Variants in AP2B1 observed in about 807,000 individuals in gnomAD.
The protein encoded by AP2B1 is adaptor related protein complex 2 subunit beta 1, also known as AP-2 complex subunit beta.
Under a neutral mutation model 102.0 loss-of-function variants are expected in AP2B1, and 23 were observed. The ratio of observed to expected loss-of-function variants is 0.23; its 90% CI spans 0.16 to 0.32. The LOEUF is 0.32. Among genes scored for constraint, AP2B1 ranks in the 10% least tolerant of loss-of-function variants. AP2B1 has a pLI of 1.00. For missense variants in AP2B1, 541 were observed against 1,157.4 expected, an observed-to-expected ratio of 0.47 and a Z score of 7.73; for synonymous variants, 381 against 421.2, an observed-to-expected ratio of 0.90 and a Z score of 1.17.
rs545707848 is a variant in AP2B1, at chr17:35,637,778, C to T, written c.1271+1322C>T. Among the ~76,000 whole-genome samples, 55 of 151,168 alleles carry T rather than the reference C, an allele frequency of 3.6e-4. 1 individual carries two copies. The South Asian group carries it at 4.2e-3, about 12-fold the overall frequency. Reference sequence around the variant, plus strand: ...TCAGCTCACTGCAACCTCTGCCTCCCGGGTTCAAACATTCTCCTGCCTCAA... The same window carrying T: ...TCAGCTCACTGCAACCTCTGCCTCCTGGGTTCAAACATTCTCCTGCCTCAA... On this transcript the variant is annotated intron_variant, in intron 10 of 21. Coordinates refer to ENST00000610402, the MANE Select transcript of AP2B1 (RefSeq NM_001030006.2).
In AP2B1 at chr17:35,674,167, G is replaced by GT; in HGVS notation, c.2179-8dup. On this transcript the variant is annotated splice_polypyrimidine_tract_variant and intron_variant, in intron 16 of 21. Coordinates refer to ENST00000610402, the MANE Select transcript of AP2B1 (RefSeq NM_001030006.2). ...GTCTGATTCTATTGAGCTTTATACT[G>GT]TGTTTCAGGTCTGGCTACCTGCAGT... 6.2e-7 allele frequency: 1 copy of GT among 1,613,838 alleles called. No individual in the cohort carries two copies. Among genetic ancestry groups the GT allele is most frequent in the Non-Finnish European group, 8.5e-7 (1 of 1,179,810 alleles).
intron 21 of AP2B1, among the ~76,000 whole-genome samples, chr17:35,718,375 A>G (rs1464213585): frequency 6.7e-6 from 1 of 149,396 alleles, no homozygotes; most frequent in Non-Finnish European, 1.5e-5. Context: ...CCTGAGGCCT[A>G]TCAAGTTAGA....
intron 17 of AP2B1, 118 bp downstream of exon 17, chr17:35,674,439 C>T (rs1283789825): frequency 8.0e-7 from 1 of 1,247,940 alleles, no homozygotes; most frequent in East Asian, 2.4e-5. Flanking sequence ...TACAGTGGCT[C>T]ATGCCTATAA....
At chr17:35,650,860 T>C in intron 13 of AP2B1, 71 bp downstream of exon 13, 1 of 1,523,310 alleles carries the variant, frequency 6.6e-7, no homozygotes, top group Non-Finnish European at 8.9e-7. Context: ...TCTTTATGCT[T>C]TTATAGTCTG....
intron 9 of AP2B1, among the ~76,000 whole-genome samples, chr17:35,633,462 A>G (rs1337031605): frequency 6.6e-6 from 1 of 152,110 alleles, no homozygotes; most frequent in Non-Finnish European, 1.5e-5. Context: ...TTTTTATTAA[A>G]TTGCTTATAG....
intron 9 of AP2B1, among the ~76,000 whole-genome samples, chr17:35,634,798 A>C (rs566032885): frequency 1.3e-5 from 2 of 152,122 alleles, no homozygotes; most frequent in South Asian, 4.1e-4. Context: ...AGCTCCTACA[A>C]AATTTGGCGA....
At chr17:35,701,553 C>T (rs943871900) in intron 18 of AP2B1, among the ~76,000 whole-genome samples, 39 of 152,176 alleles carry the variant, frequency 2.6e-4, no homozygotes, top group African/African-American at 9.4e-4. Context: ...CTTTCCTCTT[C>T]TATTACGGGA....
chr17:35,686,575 G>A (rs2075936378), intron 18 of AP2B1, among the ~76,000 whole-genome samples: 1 of 152,136 alleles, frequency 6.6e-6, no homozygotes, highest in Non-Finnish European at 1.5e-5. Context: ...TTTTTCCAGG[G>A]CCATAAACTC....
At chr17:35,686,324 A>ATT (rs1399276956) in intron 18 of AP2B1, among the ~76,000 whole-genome samples, 1 of 152,186 alleles carries the variant, frequency 6.6e-6, no homozygotes, top group Non-Finnish European at 1.5e-5. Flanking sequence ...AACCTTAATA[A>ATT]GTGTCTAAAT....
chr17:35,723,572 A>G, intron 21 of AP2B1, 53 bp from the exon 22 acceptor site: 1 of 1,251,834 alleles, frequency 8.0e-7, no homozygotes, highest in South Asian at 1.2e-5. Flanking sequence ...GGATACCTTT[A>G]GAGCTAATGC....
At chr17:35,715,640 C>G (rs1355627597) in intron 20 of AP2B1, among the ~76,000 whole-genome samples, 1 of 152,244 alleles carries the variant, frequency 6.6e-6, no homozygotes, top group Non-Finnish European at 1.5e-5. Flanking sequence ...TGCAAGAGCC[C>G]TTCATTGTGG....
chr17:35,717,078 A>G (rs1221477017), intron 20 of AP2B1, 117 bp from the exon 21 acceptor site: 2 of 1,139,374 alleles, frequency 1.8e-6, no homozygotes, highest in East Asian at 2.4e-5. Context: ...ACACATGTCC[A>G]TGTGACAGTA....
Position 35,681,049 on chromosome 17 carries a change from T to C in AP2B1, c.2325-1646T>C, listed in dbSNP as rs587640744. 2.7e-4 allele frequency among the ~76,000 whole-genome samples: 41 copies of C among 152,258 alleles called. No homozygotes were observed. The South Asian group carries it at 4.8e-3, about 18-fold the overall frequency. ...CTCAGACCATCTGTCCTCCCACATA[T>C]GTATTTGTTTTCTATTTAACTTCAG... On this transcript the variant is annotated intron_variant, in intron 17 of 21. Transcript: ENST00000610402.
At chr17:35,670,572 C>T (rs1156751907) in intron 14 of AP2B1, among the ~76,000 whole-genome samples, 3 of 152,118 alleles carry the variant, frequency 2.0e-5, no homozygotes, top group Non-Finnish European at 4.4e-5. Context: ...TGGGTTTGTG[C>T]CTGTGTACCC....
intron 5 of AP2B1, among the ~76,000 whole-genome samples, chr17:35,620,512 T>A (rs913448182): frequency 6.6e-6 from 1 of 151,912 alleles, no homozygotes; most frequent in African/African-American, 2.4e-5. Flanking sequence ...AGCGAAACTT[T>A]CTCTAGAAAC....
At chr17:35,596,837 C>T (rs976254619) in intron 2 of AP2B1, 4 of 670,016 alleles carry the variant, frequency 6.0e-6, no homozygotes, top group Admixed American at 5.6e-5. Flanking sequence ...GGCGCTGCCC[C>T]ACACCGCACA....
At chr17:35,616,410 C>T (rs1361696861) in intron 5 of AP2B1, among the ~76,000 whole-genome samples, 1 of 151,986 alleles carries the variant, frequency 6.6e-6, no homozygotes, top group Non-Finnish European at 1.5e-5. Flanking sequence ...CCTCGTGATC[C>T]GCCCGCCTCG....
intron 17 of AP2B1, among the ~76,000 whole-genome samples, chr17:35,677,747 T>A (rs2075731974): frequency 6.6e-6 from 1 of 152,176 alleles, no homozygotes; most frequent in African/African-American, 2.4e-5. Flanking sequence ...GCATAGTATA[T>A]CTCTCTGTTT....
intron 12 of AP2B1, among the ~76,000 whole-genome samples, chr17:35,644,378 C>T (rs2074867027): frequency 1.3e-5 from 2 of 152,000 alleles, no homozygotes; most frequent in African/African-American, 2.4e-5. Context: ...AGCAACTTCT[C>T]GAGGCTTGCC....
Sources: allele counts gnomAD v4.1 joint callset (sites outside exome capture counted in the v4.1 genomes callset), GRCh38; gene constraint gnomAD v4.1.1; transcripts MANE v1.5; gene names NCBI Gene and HGNC (gene_info 2026-07-23, HGNC 2026-07-21).